LIG3: variants seen among roughly 807,000 people sequenced by gnomAD.
LIG3 encodes the protein DNA ligase 3.
A neutral mutation model predicts 110.9 loss-of-function variants in LIG3; 58 were observed. The ratio of observed to expected loss-of-function variants is 0.52; its 90% CI spans 0.42 to 0.65. The LOEUF is 0.65. Ranked by LOEUF, LIG3 falls within the 30% of genes least tolerant of loss-of-function variation. The probability of loss-of-function intolerance (pLI) is 0.00; values close to 1 mark genes in which losing one functional copy is unlikely to be tolerated. For synonymous variants in LIG3, 422 were observed against 472.8 expected (o/e 0.89, Z 1.39); for missense variants, 1,094 against 1,273.8 (o/e 0.86, Z 2.15).
In LIG3 at chr17:34,980,640, GCGGCACGGCGCGGCGGGGC is replaced by G; in HGVS notation, c.-5+20_-5+38del. 1 of 1,238,472 alleles carries G rather than the reference GCGGCACGGCGCGGCGGGGC, an allele frequency of 8.1e-7. No homozygotes were observed. Among genetic ancestry groups the G allele is most frequent in the African/African-American group, 1.6e-5 (1 of 62,048 alleles). 76.7% of individuals were successfully genotyped at this position (1,238,472 alleles called of 1,614,324 possible). A position where few individuals can be genotyped will look rare whatever the true frequency, so the allele number is the denominator to read the frequency against. On this transcript the variant is annotated intron_variant, in intron 1 of 19. Transcript: ENST00000378526. ...AGAGGCAGGTGAGGGGCTACGCGGC[GCGGCACGGCGCGGCGGGGC>G]CCGGCGTGGGGAAGGCAGCGGGCCC...
chr17:34,984,979 T>A (rs2090640934), intron 2 of LIG3, among the ~76,000 whole-genome samples: 1 of 152,160 alleles, frequency 6.6e-6, no homozygotes, highest in Non-Finnish European at 1.5e-5. Flanking sequence ...GGTTTCACCA[T>A]GTTGGTCCAG....
At position 34,992,541 on chromosome 17, in the gene LIG3, C is replaced by G; in HGVS notation, c.1304C>G (p.Pro435Arg). 5 of 1,604,802 alleles carry G rather than the reference C, an allele frequency of 3.1e-6. No homozygotes were observed. Among genetic ancestry groups the G allele is most frequent in the East Asian group, 2.2e-5 (1 of 44,814 alleles). ...GAKHVLDALDPNAYEAFKASR... is the reference protein window; with the variant it reads ...GAKHVLDALDRNAYEAFKASR... The stretch of plus-strand genomic sequence containing the variant: ...CTTGGCAGGTTAGACGCCCTTGACC[C>G]CAATGCCTATGAAGCCTTCAAAGCC... The change falls in exon 8 of 20, where the codon CCC becomes CGC. Residue 435 changes from proline to arginine, a missense_variant. Transcript: ENST00000378526.
chr17:34,983,630 T>C, intron 2 of LIG3, 78 bp downstream of exon 2: 1 of 1,367,850 alleles, frequency 7.3e-7, no homozygotes, highest in Admixed American at 2.6e-5. Context: ...GCTTTCTTTC[T>C]CTTTTTTTTA....
In LIG3 at chr17:34,999,301, T is replaced by A. The variant is rs764778141; in HGVS notation, c.2114-6T>A. 1 of 1,610,718 alleles carries A rather than the reference T, an allele frequency of 6.2e-7. No individual in the cohort carries two copies. The highest frequency in any genetic ancestry group is 8.5e-7 in the Non-Finnish European group (1 of 1,177,830). ...AACCCACACTCATCTCACACTCCCCTCCCAGGCGGCATGATGTCAATCTTC... is the reference window on the plus strand; with the variant it reads ...AACCCACACTCATCTCACACTCCCCACCCAGGCGGCATGATGTCAATCTTC... On this transcript the variant is annotated splice_region_variant and splice_polypyrimidine_tract_variant and intron_variant, in intron 14 of 19. Transcript: ENST00000378526.
In LIG3 at chr17:35,006,455, ATGGGTG is replaced by A; in HGVS notation, c.*1950_*1955del. ...CTAAGCCTCAATCCCTCCAAGTAGA[ATGGGTG>A]CACCTAAATCATAGGGTTGTCCTGT... is the stretch of plus-strand genomic sequence containing the variant. On this transcript the variant is annotated 3_prime_UTR_variant, in exon 20 of 20. Transcript: ENST00000378526. The A allele has an allele frequency of 6.6e-6, 1 of 152,422 alleles. No individual in the cohort carries two copies. The highest frequency in any genetic ancestry group is 2.4e-5 in the African/African-American group (1 of 41,578). The allele number at this position is 152,422 out of a possible 1,614,324, so 9.4% of individuals were successfully genotyped here.
intron 3 of LIG3, among the ~76,000 whole-genome samples, chr17:34,988,706 A>G (rs996080152): frequency 1.3e-5 from 2 of 152,168 alleles, no homozygotes; most frequent in Admixed American, 1.3e-4. Flanking sequence ...CAATAAGAAA[A>G]GAAAAGTTGA....
In LIG3 at chr17:35,001,947, TGTA is replaced by T; in HGVS notation, c.2520_2522del (p.Val841del). 6.2e-7 allele frequency: 1 copy of T among 1,612,042 alleles called. No individual in the cohort carries two copies. ...TGTCCAAGGAGAAGGCAGACTTCACTGTAGTGGCTGGAGATGAGGGGAGCTCCA... is the reference window on the plus strand; with the variant it reads ...TGTCCAAGGAGAAGGCAGACTTCACTGTGGCTGGAGATGAGGGGAGCTCCA... On this transcript the variant is annotated inframe_deletion, in exon 18 of 20. Transcript: ENST00000378526.
At position 34,989,527 on chromosome 17, in the gene LIG3, A is replaced by C; in HGVS notation, c.753A>C (p.Ser251=). ...CCACCCCTAAGAGAAGTCTGTCTTC[A>C]AGCAAATGTGACCCCAGGCATAAGG... ...SSPTPKRSLS[S]SKCDPRHKDC... The change falls in exon 4 of 20, where the codon TCA becomes TCC. Residue 251 remains serine, a synonymous_variant. Transcript: ENST00000378526. 3 of 1,614,080 alleles carry C rather than the reference A, an allele frequency of 1.9e-6. No homozygotes were observed. In the South Asian group the frequency reaches 3.3e-5, roughly 18 times the overall value.
chr17:34,993,463 C>T (rs976220781), intron 8 of LIG3, among the ~76,000 whole-genome samples: 6 of 152,202 alleles, frequency 3.9e-5, no homozygotes, highest in East Asian at 1.9e-4. Context: ...GATGGGACTG[C>T]GGCCACCTGC....
At chr17:34,993,338 T>A (rs1292098023) in intron 8 of LIG3, among the ~76,000 whole-genome samples, 1 of 152,232 alleles carries the variant, frequency 6.6e-6, no homozygotes, top group Non-Finnish European at 1.5e-5. Flanking sequence ...GAAACTGTCT[T>A]GTTTGTCATA....
chr17:34,981,987 C>G (rs1282026404), intron 1 of LIG3, among the ~76,000 whole-genome samples: 1 of 152,156 alleles, frequency 6.6e-6, no homozygotes, highest in Non-Finnish European at 1.5e-5. Context: ...TGAAAGATAA[C>G]GACGTCACCG....
At position 35,005,229 on chromosome 17, in the gene LIG3, A is replaced by G. The variant is rs547289400; in HGVS notation, c.*723A>G. 1 of 463,310 alleles carries G rather than the reference A, an allele frequency of 2.2e-6. No homozygotes were observed. The highest frequency in any genetic ancestry group is 6.3e-5 in the East Asian group (1 of 15,904). 28.7% of individuals were successfully genotyped at this position (463,310 alleles called of 1,614,324 possible). A position where few individuals can be genotyped will look rare whatever the true frequency, so the allele number is the denominator to read the frequency against. On this transcript the variant is annotated 3_prime_UTR_variant, in exon 20 of 20. Coordinates refer to ENST00000378526, the MANE Select transcript of LIG3 (RefSeq NM_013975.4). Reference sequence around the variant, plus strand: ...AGATCTGCATCCCCAAAACCTGGAAACAAGACTGTTCTTTAAGAATAAAAA... The same window carrying G: ...AGATCTGCATCCCCAAAACCTGGAAGCAAGACTGTTCTTTAAGAATAAAAA...
chr17:34,997,670 C>CCTT (rs1358419973), intron 11 of LIG3, 68 bp from the exon 12 acceptor site: 8 of 1,149,200 alleles, frequency 7.0e-6, no homozygotes, highest in Non-Finnish European at 1.1e-5. Flanking sequence ...TGTGGCCCTT[C>CCTT]CTTCCTCAGA....
In LIG3 at chr17:35,007,086, AAAC is replaced by A. The variant is rs1381865721; in HGVS notation, c.*2584_*2586del. Reference sequence around the variant, plus strand: ...TTCTCTCTTCAGCCTCAGGCCAAACAAACAACCGGACAGGGCAGCAGAACAAGG... The same window carrying A: ...TTCTCTCTTCAGCCTCAGGCCAAACAAACCGGACAGGGCAGCAGAACAAGG... On this transcript the variant is annotated 3_prime_UTR_variant, in exon 20 of 20. Coordinates refer to ENST00000378526, the MANE Select transcript of LIG3 (RefSeq NM_013975.4). 2 of 152,258 alleles carry A rather than the reference AAAC, an allele frequency of 1.3e-5. No individual in the cohort carries two copies. Among genetic ancestry groups the A allele is most frequent in the Admixed American group, 1.3e-4 (2 of 15,278 alleles). 9.4% of individuals were successfully genotyped at this position (152,258 alleles called of 1,614,324 possible).
chr17:34,984,904 A>G (rs1308629224), intron 2 of LIG3, among the ~76,000 whole-genome samples: 3 of 151,922 alleles, frequency 2.0e-5, no homozygotes, highest in African/African-American at 4.8e-5. Flanking sequence ...CAGCCTCCCA[A>G]GTAGCTGGGA....
chr17:34,984,481 T>C (rs1185300039), intron 2 of LIG3, among the ~76,000 whole-genome samples: 1 of 152,196 alleles, frequency 6.6e-6, no homozygotes, highest in East Asian at 1.9e-4. Flanking sequence ...ATGTACTTCT[T>C]TACTCTTGAG....
chr17:34,985,597 G>A (rs1342062554), intron 2 of LIG3, among the ~76,000 whole-genome samples: 1 of 152,126 alleles, frequency 6.6e-6, no homozygotes, highest in Non-Finnish European at 1.5e-5. Context: ...TTTACTTTTT[G>A]TTCATCTCTA....
chr17:35,000,608 CT>C (rs57663136), intron 16 of LIG3, among the ~76,000 whole-genome samples: 6,525 of 80,526 alleles, frequency 0.081, 56 homozygotes, highest in African/African-American at 0.13. Flanking sequence ...TTGGGAGATA[CT>C]TTTTTTTTTT....
In LIG3 at chr17:34,996,611, T is replaced by A. The variant is rs1446153368; in HGVS notation, c.1781T>A (p.Val594Asp). 1 of 1,614,066 alleles carries A rather than the reference T, an allele frequency of 6.2e-7. No individual in the cohort carries two copies. The highest frequency in any genetic ancestry group is 1.7e-5 in the Admixed American group (1 of 60,026). ...AFQDANVCLFVFDCIYFNDVS... is the reference protein window; with the variant it reads ...AFQDANVCLFDFDCIYFNDVS... ...CAGGATGCTAATGTCTGCCTGTTTGTTTTTGATTGTATCTACTTTAATGAT... is the reference window on the plus strand; with the variant it reads ...CAGGATGCTAATGTCTGCCTGTTTGATTTTGATTGTATCTACTTTAATGAT... Residue 594 changes from valine to aspartate, a missense_variant, in exon 11 of 20, where the codon GTT becomes GAT. By Grantham distance (152) the Val-to-Asp change is radical (BLOSUM62 -3). Coordinates refer to ENST00000378526, the MANE Select transcript of LIG3 (RefSeq NM_013975.4).
Sources: allele counts gnomAD v4.1 joint callset (sites outside exome capture counted in the v4.1 genomes callset), GRCh38; gene constraint gnomAD v4.1.1; transcripts MANE v1.5; gene names NCBI Gene and HGNC (gene_info 2026-07-23, HGNC 2026-07-21).